Variants in RBFOX1 observed in about 807,000 individuals in gnomAD.
The protein encoded by RBFOX1 is RNA binding protein fox-1 homolog 1.
A neutral mutation model predicts 57.7 loss-of-function variants in RBFOX1; 8 were observed. The observed-to-expected ratio is 0.14, with a 90% CI of 0.08 to 0.25. The LOEUF is 0.25. Among genes scored for constraint, RBFOX1 ranks in the 10% least tolerant of loss-of-function variants. RBFOX1 has a pLI of 1.00. For missense variants in RBFOX1, 611 were observed against 548.5 expected (o/e 1.11, Z -1.14); for synonymous variants, 326 against 222.4 (o/e 1.47, Z -4.15).
intron 1 of RBFOX1, among the ~76,000 whole-genome samples, chr16:5,363,759 C>T (rs2065621202): frequency 6.6e-6 from 1 of 152,190 alleles, no homozygotes. Flanking sequence ...CTGTCTTATT[C>T]ACTGTTGTAT....
intron 5 of RBFOX1, among the ~76,000 whole-genome samples, chr16:7,579,020 A>T (rs1440624012): frequency 6.6e-6 from 1 of 152,230 alleles, no homozygotes; most frequent in African/African-American, 2.4e-5. Flanking sequence ...TTCTGCAGAG[A>T]TGGAAACGTT....
At chr16:6,334,585 A>T (rs1188968831) in intron 2 of RBFOX1, among the ~76,000 whole-genome samples, 1 of 152,012 alleles carries the variant, frequency 6.6e-6, no homozygotes, top group African/African-American at 2.4e-5. Context: ...TATCCCATAG[A>T]TTTAGGCACT....
chr16:6,606,095 C>T (rs914459462), intron 2 of RBFOX1, among the ~76,000 whole-genome samples: 2 of 151,628 alleles, frequency 1.3e-5, no homozygotes, highest in Admixed American at 6.6e-5. Context: ...GGTGACAGAG[C>T]GAGACTCTGT....
Position 7,653,941 on chromosome 16 carries a change from A to G in RBFOX1, c.884A>G (p.Tyr295Cys). The change falls in exon 12 of 16, where the codon TAC becomes TGC. Residue 295 changes from tyrosine to cysteine, a missense_variant. By Grantham distance (194) the Tyr-to-Cys change is radical (BLOSUM62 -2). Coordinates refer to ENST00000550418, the MANE Select transcript of RBFOX1 (RefSeq NM_018723.4). ...AAAPPPPIPA[Y>C]GGVVYQDGFY... ...GCGCCCCCGCCCCCGATCCCGGCCT[A>G]CGGCGGGTAAGTGGGGCAGCCTCCT... The G allele has an allele frequency of 6.6e-7, 1 of 1,525,858 alleles. No homozygotes were observed. The highest frequency in any genetic ancestry group is 8.7e-7 in the Non-Finnish European group (1 of 1,144,250). The allele number at this position is 1,525,858 out of a possible 1,614,324, so 94.5% of individuals were successfully genotyped here.
At chr16:5,877,464 G>T (rs1406081252) in intron 4 of RBFOX1, among the ~76,000 whole-genome samples, 1 of 152,264 alleles carries the variant, frequency 6.6e-6, no homozygotes, top group African/African-American at 2.4e-5. Context: ...CTCCCAGGAA[G>T]CCTGGCTTCA....
intron 3 of RBFOX1, chr16:6,704,597 C>T (rs1272005654): frequency 6.6e-6 from 1 of 152,460 alleles, no homozygotes; most frequent in African/African-American, 2.4e-5. Context: ...TCTCCTTCAC[C>T]TAGCTGGAGC....
intron 2 of RBFOX1, among the ~76,000 whole-genome samples, chr16:6,406,576 A>G (rs1346552233): frequency 6.9e-6 from 1 of 145,968 alleles, no homozygotes; most frequent in African/African-American, 2.7e-5. Flanking sequence ...TGGAAGTCGA[A>G]CATTTTTTTT....
At chr16:6,118,588 T>C (rs1483992597) in intron 1 of RBFOX1, among the ~76,000 whole-genome samples, 1 of 151,608 alleles carries the variant, frequency 6.6e-6, no homozygotes, top group Non-Finnish European at 1.5e-5. Flanking sequence ...TCTCTCCTTC[T>C]CTCCCTCTCT....
intron 2 of RBFOX1, among the ~76,000 whole-genome samples, chr16:6,428,377 A>G (rs1394648332): frequency 6.6e-6 from 1 of 151,850 alleles, no homozygotes; most frequent in Non-Finnish European, 1.5e-5. Context: ...AAGTTCATGT[A>G]CTGAAACCTT....
intron 4 of RBFOX1, among the ~76,000 whole-genome samples, chr16:7,342,605 C>G (rs1373020717): frequency 1.3e-5 from 2 of 152,100 alleles, no homozygotes; most frequent in African/African-American, 4.8e-5. Flanking sequence ...CTTCTCTGCT[C>G]CCATTCTTGG....
chr16:6,938,551 A>C (rs906267213), intron 3 of RBFOX1, among the ~76,000 whole-genome samples: 2 of 136,036 alleles, frequency 1.5e-5, no homozygotes, highest in African/African-American at 6.3e-5. Context: ...ATTACCAGAC[A>C]CTGAATTACT....
chr16:6,554,004 A>G (rs555350009), intron 2 of RBFOX1, among the ~76,000 whole-genome samples: 1 of 151,984 alleles, frequency 6.6e-6, no homozygotes, highest in South Asian at 2.1e-4. Flanking sequence ...TGGCAGACAT[A>G]TTAGGGATGA....
intron 2 of RBFOX1, among the ~76,000 whole-genome samples, chr16:6,649,142 G>A (rs2098556531): frequency 6.6e-6 from 1 of 152,134 alleles, no homozygotes; most frequent in African/African-American, 2.4e-5. Flanking sequence ...CCAGCCCTTG[G>A]TAACCACCAT....
intron 3 of RBFOX1, among the ~76,000 whole-genome samples, chr16:6,815,756 GT>G (rs1283366662): frequency 6.6e-6 from 1 of 152,162 alleles, no homozygotes; most frequent in Non-Finnish European, 1.5e-5. Context: ...AAAGTCTATA[GT>G]TTGCAGCCAA....
intron 4 of RBFOX1, among the ~76,000 whole-genome samples, chr16:5,912,640 A>G (rs766691418): frequency 6.6e-6 from 1 of 152,210 alleles, no homozygotes; most frequent in Non-Finnish European, 1.5e-5. Context: ...ATAAAAGTAT[A>G]ATTATTTCCT....
At chr16:6,717,913 G>T (rs1340996748) in intron 3 of RBFOX1, among the ~76,000 whole-genome samples, 1 of 152,164 alleles carries the variant, frequency 6.6e-6, no homozygotes. Flanking sequence ...ATCCTATACT[G>T]GGATAAAGCT....
In RBFOX1 at chr16:5,428,188, T is replaced by A. The variant is rs527833445; in HGVS notation, c.220-39028T>A. Among the ~76,000 whole-genome samples, 3 of 152,142 alleles carry A rather than the reference T, an allele frequency of 2.0e-5. No homozygotes were observed. The East Asian group carries it at 5.8e-4, about 30-fold the overall frequency. On this transcript the variant is annotated intron_variant, in intron 1 of 2. Coordinates refer to the RBFOX1 transcript ENST00000585867. ...TACACACAAACACAATGCATGCATT[T>A]GGAGTCCTTACTGAACTTCCCCATG... is the stretch of plus-strand genomic sequence containing the variant.
At chr16:7,679,948 C>A (rs756868467) in intron 14 of RBFOX1, among the ~76,000 whole-genome samples, 5 of 152,154 alleles carry the variant, frequency 3.3e-5, no homozygotes, top group African/African-American at 9.7e-5. Context: ...TTTGGCAAAG[C>A]ACTTGACCTT....
chr16:5,307,392 A>G (rs1376757281), intron 1 of RBFOX1, among the ~76,000 whole-genome samples: 1 of 152,140 alleles, frequency 6.6e-6, no homozygotes, highest in Non-Finnish European at 1.5e-5. Context: ...CCCTCCCTCC[A>G]TTTAAAAATA....
Sources: allele counts gnomAD v4.1 joint callset (sites outside exome capture counted in the v4.1 genomes callset), GRCh38; gene constraint gnomAD v4.1.1; transcripts MANE v1.5; gene names NCBI Gene and HGNC (gene_info 2026-07-23, HGNC 2026-07-21).